Variants in SLC22A16 observed in about 807,000 individuals in gnomAD.
SLC22A16 encodes WUGSC:RG331P03.1.
A neutral mutation model predicts 52.9 loss-of-function variants in SLC22A16; 53 were observed. That is an observed-to-expected ratio of 1.00 (90% CI 0.80 to 1.26). The LOEUF (loss-of-function observed/expected upper bound fraction) is 1.26, where lower values mean the gene tolerates loss of function less well. Among genes scored for constraint, SLC22A16 ranks in the 50% most tolerant of loss-of-function variants. The probability of loss-of-function intolerance (pLI) is 0.00; values close to 1 mark genes in which losing one functional copy is unlikely to be tolerated. For missense variants in SLC22A16, 726 were observed against 704.0 expected (o/e 1.03, Z -0.35); for synonymous variants, 291 against 268.8 (o/e 1.08, Z -0.81).
chr6:110,470,487 A>G (rs750831796), intron 1 of SLC22A16, among the ~76,000 whole-genome samples: 29 of 151,886 alleles, frequency 1.9e-4, no homozygotes, highest in East Asian at 1.9e-4. Flanking sequence ...TACTTCCCCC[A>G]TCCTTCCCAC....
chr6:110,424,707 C>T lies in SLC22A16; in HGVS notation c.*166G>A. On this transcript the variant is annotated 3_prime_UTR_variant, in exon 8 of 8. Coordinates refer to ENST00000368919, the MANE Select transcript of SLC22A16 (RefSeq NM_033125.4). ...AGCAGTTTTTAAAACTGAGAATTTT[C>T]ATCTTAGTTTTTATTTCTTTTATAA... The T allele has an allele frequency of 1.2e-6, 1 of 803,244 alleles. No individual in the cohort carries two copies. The allele number at this position is 803,244 out of a possible 1,614,324, so 49.8% of individuals were successfully genotyped here.
intron 1 of SLC22A16, among the ~76,000 whole-genome samples, chr6:110,472,194 G>A (rs1290298562): frequency 6.6e-6 from 1 of 152,160 alleles, no homozygotes; most frequent in Non-Finnish European, 1.5e-5. Flanking sequence ...GGGACATGGG[G>A]TGGGCTAGGA....
rs372547348 is a variant in SLC22A16, at chr6:110,431,282, G to A, written c.1422-12C>T. On this transcript the variant is annotated splice_polypyrimidine_tract_variant and intron_variant, in intron 6 of 7. Coordinates refer to ENST00000368919, the MANE Select transcript of SLC22A16 (RefSeq NM_033125.4). Reference sequence around the variant, plus strand: ...CCACAGCCAGCGATCTGGAAACAGAGGAGAGAGGCTGAGACAAGTAAGGCA... The same window carrying A: ...CCACAGCCAGCGATCTGGAAACAGAAGAGAGAGGCTGAGACAAGTAAGGCA... The A allele has an allele frequency of 9.9e-6, 16 of 1,609,538 alleles. No individual in the cohort carries two copies. Among genetic ancestry groups the A allele is most frequent in the Non-Finnish European group, 1.4e-5 (16 of 1,179,098 alleles).
intron 5 of SLC22A16, among the ~76,000 whole-genome samples, chr6:110,438,229 C>G (rs2114920186): frequency 6.6e-6 from 1 of 152,342 alleles, no homozygotes; most frequent in African/African-American, 2.4e-5. Flanking sequence ...TATGATGATG[C>G]TGGAAGGTGT....
At chr6:110,454,522 T>C (rs962955797) in intron 2 of SLC22A16, among the ~76,000 whole-genome samples, 1 of 132,294 alleles carries the variant, frequency 7.6e-6, no homozygotes, top group African/African-American at 2.9e-5. Context: ...CCCTTCTTTA[T>C]TCCTTTACTT....
chr6:110,461,175 C>T (rs1775867924), intron 1 of SLC22A16, among the ~76,000 whole-genome samples: 2 of 152,204 alleles, frequency 1.3e-5, no homozygotes, highest in African/African-American at 2.4e-5. Flanking sequence ...GTAGCAATGT[C>T]CCTGCAACAG....
intron 2 of SLC22A16, chr6:110,455,574 T>C (rs1775616384): frequency 6.6e-6 from 1 of 152,214 alleles, no homozygotes; most frequent in Non-Finnish European, 1.5e-5. Flanking sequence ...ATCTCTGTGC[T>C]TTGGTATGGT....
intron 1 of SLC22A16, among the ~76,000 whole-genome samples, chr6:110,461,753 G>T (rs959899806): frequency 6.6e-6 from 1 of 151,692 alleles, no homozygotes; most frequent in East Asian, 1.9e-4. Context: ...CCCCCTGAAA[G>T]CACCCAGAAA....
Position 110,424,927 on chromosome 6 carries a change from AC to A in SLC22A16, c.1679del (p.Ser560MetfsTer26), listed in dbSNP as rs776016771. The A allele has an allele frequency of 3.1e-6, 5 of 1,614,044 alleles. No individual in the cohort carries two copies. The highest frequency in any genetic ancestry group is 1.7e-5 in the Admixed American group (1 of 59,998). ...SSKLLLTTNN[S>X]GLEKTEAITP... ...TAATCGCTTCCGTTTTTTCCAGCCC[AC>A]TATTATTAGTTGTGAGAAGTAATTT... On this transcript the variant is annotated frameshift_variant, in exon 8 of 8. Transcript: ENST00000368919. LOFTEE classifies it low-confidence loss of function (END_TRUNC).
intron 1 of SLC22A16, among the ~76,000 whole-genome samples, chr6:110,460,572 G>A (rs1280481217): frequency 6.6e-6 from 1 of 152,144 alleles, no homozygotes; most frequent in African/African-American, 2.4e-5. Context: ...CCTGGGCAAT[G>A]CTGTCAGTGG....
Position 110,424,715 on chromosome 6 carries a change from T to A in SLC22A16, c.*158A>T. 1 of 856,854 alleles carries A rather than the reference T, an allele frequency of 1.2e-6. No homozygotes were observed. The highest frequency in any genetic ancestry group is 1.7e-6 in the Non-Finnish European group (1 of 579,570). 53.1% of individuals were successfully genotyped at this position (856,854 alleles called of 1,614,324 possible). On this transcript the variant is annotated 3_prime_UTR_variant, in exon 8 of 8. Transcript: ENST00000368919. ...TTAAAACTGAGAATTTTCATCTTAG[T>A]TTTTATTTCTTTTATAACATATTTG...
At chr6:110,449,386 G>A (rs1188552392) in intron 2 of SLC22A16, among the ~76,000 whole-genome samples, 1 of 151,788 alleles carries the variant, frequency 6.6e-6, no homozygotes, top group Non-Finnish European at 1.5e-5. Flanking sequence ...CCTAAGTATG[G>A]GCTATTAACT....
At chr6:110,437,148 T>C (rs956170010) in intron 5 of SLC22A16, among the ~76,000 whole-genome samples, 1 of 152,224 alleles carries the variant, frequency 6.6e-6, no homozygotes, top group Admixed American at 6.5e-5. Context: ...TTAATTACAA[T>C]TGTAAATTAA....
Position 110,442,539 on chromosome 6 carries a change from G to A in SLC22A16, c.888C>T (p.Leu296=). ...GTGCTTCTTCATATCGTCCCTCTGA[G>A]AGAAGCCAAAAAGGTGTCTCTGGGA... ...WVLPETPFWL[L]SEGRYEEAQK... The change falls in exon 4 of 8, where the codon CTC becomes CTT. Residue 296 remains leucine (L), a synonymous_variant. Transcript: ENST00000368919. The A allele has an allele frequency of 6.2e-7, 1 of 1,614,092 alleles. No homozygotes were observed. The highest frequency in any genetic ancestry group is 8.5e-7 in the Non-Finnish European group (1 of 1,180,026).
chr6:110,452,258 T>C, intron 2 of SLC22A16, among the ~76,000 whole-genome samples: 1 of 152,356 alleles, frequency 6.6e-6, no homozygotes, highest in Non-Finnish European at 1.5e-5. Flanking sequence ...TTTTTAAAAT[T>C]TATATATTTG....
At chr6:110,473,429 G>A (rs4541783) in intron 1 of SLC22A16, among the ~76,000 whole-genome samples, 17,621 of 145,070 alleles carry the variant, frequency 0.12, 1,336 homozygotes, top group East Asian at 0.29. Context: ...TTATGGAAAC[G>A]ATATGGTTTC....
In SLC22A16 at chr6:110,435,083, C is replaced by T. The variant is rs150910625; in HGVS notation, c.1421+769G>A. On this transcript the variant is annotated intron_variant, in intron 6 of 7. Transcript: ENST00000368919. Reference sequence around the variant, plus strand: ...TTATGAAATACCTCAATGACTCTGACGAGCTGCCAGCTTTGAGAACCTCCA... The same window carrying T: ...TTATGAAATACCTCAATGACTCTGATGAGCTGCCAGCTTTGAGAACCTCCA... Among the ~76,000 whole-genome samples the T allele has an allele frequency of 5.5e-3, 841 of 152,272 alleles. 2 individuals carry two copies. Among genetic ancestry groups the T allele is most frequent in the Middle Eastern group, 0.02 (6 of 294 alleles).
chr6:110,456,519 C>G lies in SLC22A16; in HGVS notation c.533+19G>C, dbSNP rs764809579. ...ATAAACCCTACACTGATACAACAAT[C>G]CTAAATATTTGATTTTACCTGTCAG... On this transcript the variant is annotated intron_variant, in intron 2 of 7. Coordinates refer to ENST00000368919, the MANE Select transcript of SLC22A16 (RefSeq NM_033125.4). 6.2e-7 allele frequency: 1 copy of G among 1,612,188 alleles called. No homozygotes were observed. Among genetic ancestry groups the G allele is most frequent in the South Asian group, 1.1e-5 (1 of 90,926 alleles).
intron 1 of SLC22A16, among the ~76,000 whole-genome samples, chr6:110,466,882 C>T (rs1776081587): frequency 6.6e-6 from 1 of 151,220 alleles, no homozygotes; most frequent in Non-Finnish European, 1.5e-5. Context: ...CCTAAGAGTC[C>T]ATCAGTGGTT....
Sources: gnomAD v4.1 joint callset for allele counts (sites outside exome capture counted in the v4.1 genomes callset) on GRCh38, gnomAD v4.1.1 for gene constraint, MANE v1.5 for transcripts, NCBI Gene and HGNC (gene_info 2026-07-23, HGNC 2026-07-21) for gene names.